The following PPP1R21 variants were observed in gnomAD, a reference collection of about 807,000 sequenced individuals.
The protein encoded by PPP1R21 is protein phosphatase 1 regulatory subunit 21.
Under a neutral mutation model 112.8 loss-of-function variants are expected in PPP1R21, and 85 were observed. The observed-to-expected ratio is 0.75, with a 90% CI of 0.63 to 0.90. PPP1R21 has a LOEUF of 0.90. Among genes scored for constraint, PPP1R21 ranks in the 40% least tolerant of loss-of-function variants. The pLI is 0.00. For missense variants in PPP1R21, 1,199 were observed against 901.5 expected, an observed-to-expected ratio of 1.33 and a Z score of -4.23; for synonymous variants, 381 against 322.3, an observed-to-expected ratio of 1.18 and a Z score of -1.95.
chr2:48,473,863 T>C (rs1668628470), intron 11 of PPP1R21, among the ~76,000 whole-genome samples: 1 of 152,210 alleles, frequency 6.6e-6, no homozygotes, highest in Non-Finnish European at 1.5e-5. Context: ...TTAAAAATGG[T>C]AAAATGCATT....
Position 48,440,817 on chromosome 2 carries a change from C to CGGA in PPP1R21, c.-135_-134insAGG. On this transcript the variant is annotated 5_prime_UTR_variant, in exon 1 of 22. Transcript: ENST00000294952. ...CCCGGAAGTGGAGGAGGAGGCGCGG[C>CGGA]GGCGGCGGCGGCGGCGGCTGCGGTG... 1.6e-6 allele frequency: 1 copy of CGGA among 639,644 alleles called. No individual in the cohort carries two copies. Among genetic ancestry groups the CGGA allele is most frequent in the East Asian group, 3.2e-5 (1 of 31,110 alleles). 39.6% of individuals were successfully genotyped at this position (639,644 alleles called of 1,614,324 possible).
At chr2:48,466,685 TAGG>T (rs1668219235) in intron 9 of PPP1R21, among the ~76,000 whole-genome samples, 2 of 152,058 alleles carry the variant, frequency 1.3e-5, no homozygotes, top group Admixed American at 1.3e-4. Context: ...AAGGTTTAAA[TAGG>T]AGGAGAGAAG....
At position 48,465,608 on chromosome 2, in the gene PPP1R21, C is replaced by A. The variant is rs1346990125; in HGVS notation, c.863C>A (p.Ser288Tyr). ...EQRIQIFPVD[S>Y]AIDTISPLNQ... ...AGGATTCAAATTTTTCCTGTTGATT[C>A]TGCCATTGACACTATATCTCCATTG... Residue 288 changes from serine (S) to tyrosine (Y), a missense_variant, in exon 9 of 22, where the codon TCT becomes TAT. Ser to Tyr is a moderately radical substitution (Grantham distance 144). Coordinates refer to ENST00000294952, the MANE Select transcript of PPP1R21 (RefSeq NM_001135629.3). The A allele has an allele frequency of 6.2e-7, 1 of 1,613,386 alleles. No homozygotes were observed.
intron 12 of PPP1R21, among the ~76,000 whole-genome samples, chr2:48,478,203 T>C (rs1253643207): frequency 6.6e-6 from 1 of 152,232 alleles, no homozygotes; most frequent in Non-Finnish European, 1.5e-5. Flanking sequence ...TTCTGGCCTC[T>C]AGAACTGTGA....
At chr2:48,467,085 A>C (rs912091962) in intron 9 of PPP1R21, among the ~76,000 whole-genome samples, 6 of 152,176 alleles carry the variant, frequency 3.9e-5, no homozygotes, top group African/African-American at 1.4e-4. Context: ...TTAGGAGTAA[A>C]ACAACCTGTG....
intron 17 of PPP1R21, among the ~76,000 whole-genome samples, chr2:48,503,956 A>AAG (rs1553347685): frequency 3.3e-5 from 5 of 151,548 alleles, no homozygotes; most frequent in African/African-American, 1.2e-4. Flanking sequence ...ATGTCTCAAA[A>AAG]AAAAAAAAAA....
intron 17 of PPP1R21, chr2:48,502,120 A>G (rs1418028002): frequency 6.6e-6 from 1 of 152,176 alleles, no homozygotes; most frequent in Non-Finnish European, 1.5e-5. Flanking sequence ...ATTCTTACAT[A>G]TGTAAGTGAA....
intron 13 of PPP1R21, 41 bp from the exon 14 acceptor site, chr2:48,486,590 T>C (rs72822226): frequency 0.17 from 255,082 of 1,463,628 alleles, 25,651 homozygotes; most frequent in East Asian, 0.47. Context: ...ATGTGACTTA[T>C]ATATAGATAA....
chr2:48,497,575 G>A (rs1210942489), intron 16 of PPP1R21, among the ~76,000 whole-genome samples: 2 of 151,922 alleles, frequency 1.3e-5, no homozygotes, highest in African/African-American at 4.8e-5. Flanking sequence ...TGGTGCAAAA[G>A]TAATTGTGGT....
rs1286076900 is a variant in PPP1R21, at chr2:48,469,535, T to TAGAGAG, written c.898-1548_898-1547insAGAGAG. On this transcript the variant is annotated intron_variant, in intron 9 of 21. Coordinates refer to ENST00000294952, the MANE Select transcript of PPP1R21 (RefSeq NM_001135629.3). ...ATATATATATATATATATATATATA[T>TAGAGAG]AGAGCATATATATATATAGAGAGAG... Among the ~76,000 whole-genome samples the TAGAGAG allele has an allele frequency of 3.3e-4, 24 of 73,222 alleles. 1 individual carries two copies. Among genetic ancestry groups the TAGAGAG allele is most frequent in the Admixed American group, 3.1e-3 (21 of 6,842 alleles). 48.0% of individuals were successfully genotyped at this position (73,222 alleles called of 152,430 possible).
chr2:48,467,648 T>C (rs1423573223), intron 9 of PPP1R21, among the ~76,000 whole-genome samples: 1 of 152,206 alleles, frequency 6.6e-6, no homozygotes, highest in South Asian at 2.1e-4. Context: ...ACATTTCTCA[T>C]AGTGAGCGAT....
intron 13 of PPP1R21, 105 bp from the exon 14 acceptor site, chr2:48,486,526 T>G (rs1669305164): frequency 3.5e-6 from 3 of 868,000 alleles, no homozygotes; most frequent in Non-Finnish European, 5.4e-6. Context: ...TTGTCAAATT[T>G]ACTTTATAAA....
chr2:48,443,198 G>A (rs1369408720), intron 1 of PPP1R21, among the ~76,000 whole-genome samples: 4 of 152,138 alleles, frequency 2.6e-5, no homozygotes, highest in Admixed American at 2.6e-4. Context: ...TTTGGGACTT[G>A]GTGAATGTGG....
chr2:48,442,479 T>A (rs1667074718), intron 1 of PPP1R21, among the ~76,000 whole-genome samples: 1 of 152,060 alleles, frequency 6.6e-6, no homozygotes, highest in Non-Finnish European at 1.5e-5. Flanking sequence ...ACTGAAAAGT[T>A]TTTGGATATG....
rs151146221 is a variant in PPP1R21, at chr2:48,460,815, A to C, written c.600-323A>C. ...AATACTTATGTGTTGTAACGAGAAC[A>C]TTTGTGATTACTTTGAGCTTGGGGA... On this transcript the variant is annotated intron_variant, in intron 6 of 21. Transcript: ENST00000294952. Among the ~76,000 whole-genome samples the C allele has an allele frequency of 8.5e-4, 129 of 152,356 alleles. 3 individuals are homozygous for C. In the East Asian group the frequency reaches 0.023, roughly 27 times the overall value.
In PPP1R21 at chr2:48,495,740, C is replaced by T. The variant is rs748860743; in HGVS notation, c.1661C>T (p.Ser554Phe). The T allele has an allele frequency of 6.2e-7, 1 of 1,611,310 alleles. No homozygotes were observed. Among genetic ancestry groups the T allele is most frequent in the Admixed American group, 1.7e-5 (1 of 60,020 alleles). Residue 554 changes from serine (S) to phenylalanine (F), a missense_variant, in exon 16 of 22, where the codon TCT (serine) becomes TTT (phenylalanine). Physicochemically the swap from Ser to Phe is radical, Grantham distance 155. Coordinates refer to ENST00000294952, the MANE Select transcript of PPP1R21 (RefSeq NM_001135629.3). ...GCAAACCGCCGCATCCTTCTCAGCTCTACTGAAAGTCGAGAAGGCCTTGCA... is the reference window on the plus strand; with the variant it reads ...GCAAACCGCCGCATCCTTCTCAGCTTTACTGAAAGTCGAGAAGGCCTTGCA... Reference protein sequence around the residue: ...ALANRRILLSSTESREGLAQQ... With the variant: ...ALANRRILLSFTESREGLAQQ...
intron 6 of PPP1R21, among the ~76,000 whole-genome samples, 156 bp from the exon 7 acceptor site, chr2:48,460,982 G>A (rs146463624): frequency 4.6e-5 from 7 of 152,310 alleles, no homozygotes; most frequent in African/African-American, 1.7e-4. Context: ...TAGCGTTTTT[G>A]TTATCTTCCT....
chr2:48,461,173 C>T lies in PPP1R21; in HGVS notation c.635C>T (p.Ser212Leu). Residue 212 changes from serine to leucine, a missense_variant, in exon 7 of 22, where the codon TCA (serine) becomes TTA (leucine). By Grantham distance (145) the Ser-to-Leu change is moderately radical (BLOSUM62 -2). Transcript: ENST00000294952. ...TTAAAGACTCTTCATGAAGATTTGTCAGGTAGATTAGAGGAATCCTTATCA... is the reference window on the plus strand; with the variant it reads ...TTAAAGACTCTTCATGAAGATTTGTTAGGTAGATTAGAGGAATCCTTATCA... ...LQLKTLHEDL[S>L]GRLEESLSII... 3 of 1,575,712 alleles carry T rather than the reference C, an allele frequency of 1.9e-6. No homozygotes were observed. The highest frequency in any genetic ancestry group is 2.6e-6 in the Non-Finnish European group (3 of 1,167,822).
chr2:48,443,681 T>C (rs1360980662), intron 1 of PPP1R21, among the ~76,000 whole-genome samples: 1 of 152,238 alleles, frequency 6.6e-6, no homozygotes, highest in Non-Finnish European at 1.5e-5. Context: ...GAACAGATCC[T>C]GATCAAAAGA....
Sources: gnomAD v4.1 joint callset for allele counts (sites outside exome capture counted in the v4.1 genomes callset) on GRCh38, gnomAD v4.1.1 for gene constraint, MANE v1.5 for transcripts, NCBI Gene and HGNC (gene_info 2026-07-23, HGNC 2026-07-21) for gene names.